The following CORIN variants were observed in gnomAD, a reference collection of about 807,000 sequenced individuals.
The protein encoded by CORIN is corin, serine peptidase.
A neutral mutation model predicts 125.3 loss-of-function variants in CORIN; 117 were observed. The ratio of observed to expected loss-of-function variants is 0.93; its 90% CI spans 0.80 to 1.09. The LOEUF (loss-of-function observed/expected upper bound fraction) is 1.09, where lower values mean the gene tolerates loss of function less well. Ranked by LOEUF, CORIN falls within the 50% of genes least tolerant of loss-of-function variation. The pLI is 0.00. For synonymous variants in CORIN, 450 were observed against 466.4 expected (o/e 0.96, Z 0.45); for missense variants, 1,253 against 1,306.7 (o/e 0.96, Z 0.63).
chr4:47,678,396 G>A (rs79204823), intron 8 of CORIN, among the ~76,000 whole-genome samples: 4,375 of 152,246 alleles, frequency 0.029, 230 homozygotes, highest in African/African-American at 0.099. Flanking sequence ...TATAAATCTT[G>A]TAAAGTAGAT....
At chr4:47,606,171 T>C (rs1332525205) in intron 19 of CORIN, among the ~76,000 whole-genome samples, 1 of 152,182 alleles carries the variant, frequency 6.6e-6, no homozygotes, top group African/African-American at 2.4e-5. Context: ...TGAGTGAAGG[T>C]AGACAATTAA....
intron 4 of CORIN, among the ~76,000 whole-genome samples, chr4:47,757,905 T>TATATATATATATATAC (rs1471519610): frequency 2.8e-5 from 4 of 141,682 alleles, no homozygotes; most frequent in Admixed American, 7.0e-5. Flanking sequence ...TATATATATA[T>TATATATATATATATAC]ACACAAATAT....
intron 1 of CORIN, among the ~76,000 whole-genome samples, chr4:47,833,943 T>C (rs564352854): frequency 6.6e-6 from 1 of 152,324 alleles, no homozygotes; most frequent in East Asian, 1.9e-4. Context: ...TTGTATATGG[T>C]TCATGGGAAT....
intron 4 of CORIN, among the ~76,000 whole-genome samples, chr4:47,748,805 T>C (rs1728774212): frequency 6.6e-6 from 1 of 152,192 alleles, no homozygotes; most frequent in South Asian, 2.1e-4. Flanking sequence ...TAAATCATTT[T>C]TCTCTTAACT....
At chr4:47,749,939 T>C (rs944198122) in intron 4 of CORIN, among the ~76,000 whole-genome samples, 1 of 152,152 alleles carries the variant, frequency 6.6e-6, no homozygotes, top group Non-Finnish European at 1.5e-5. Flanking sequence ...TTTTCTCCTT[T>C]TGCATTATGA....
intron 2 of CORIN, among the ~76,000 whole-genome samples, chr4:47,803,111 A>T (rs1731616265): frequency 1.3e-5 from 2 of 152,202 alleles, no homozygotes; most frequent in African/African-American, 2.4e-5. Context: ...CCCAAGAAAA[A>T]TGGACACAAA....
At chr4:47,734,811 C>T (rs1320744375) in intron 5 of CORIN, among the ~76,000 whole-genome samples, 1 of 152,198 alleles carries the variant, frequency 6.6e-6, no homozygotes, top group Non-Finnish European at 1.5e-5. Flanking sequence ...CTTGCCTCTA[C>T]CTACTAGGTG....
chr4:47,776,201 G>A (rs1246532482), intron 3 of CORIN, among the ~76,000 whole-genome samples: 1 of 151,928 alleles, frequency 6.6e-6, no homozygotes, highest in Non-Finnish European at 1.5e-5. Flanking sequence ...ATTTTTTGTA[G>A]AGATAGTTTT....
At chr4:47,708,486 T>C (rs934304554) in intron 5 of CORIN, among the ~76,000 whole-genome samples, 6 of 152,126 alleles carry the variant, frequency 3.9e-5, no homozygotes, top group African/African-American at 1.2e-4. Flanking sequence ...AGCACCCTTA[T>C]TTCCATCTTC....
At position 47,730,154 on chromosome 4, in the gene CORIN, A is replaced by G. The variant is rs1364065916; in HGVS notation, c.799+14248T>C. Among the ~76,000 whole-genome samples, 3 of 152,098 alleles carry G rather than the reference A, an allele frequency of 2.0e-5. 1 individual carries two copies. The South Asian group carries it at 6.2e-4, about 32-fold the overall frequency. On this transcript the variant is annotated intron_variant, in intron 5 of 21. Coordinates refer to ENST00000273857, the MANE Select transcript of CORIN (RefSeq NM_006587.4). The stretch of plus-strand genomic sequence containing the variant: ...GAGGGTCCATTGAGTTGATTAACAC[A>G]CAAGCTGTCTGCAGAAGGCAAATTT...
chr4:47,763,005 T>A (rs1302388881), intron 4 of CORIN, among the ~76,000 whole-genome samples: 1 of 152,158 alleles, frequency 6.6e-6, no homozygotes, highest in Non-Finnish European at 1.5e-5. Flanking sequence ...TATCCCCGTA[T>A]CATGAGACCC....
At chr4:47,825,272 T>C (rs1298300829) in intron 1 of CORIN, among the ~76,000 whole-genome samples, 1 of 152,146 alleles carries the variant, frequency 6.6e-6, no homozygotes, top group Non-Finnish European at 1.5e-5. Flanking sequence ...TTCCTGGCAA[T>C]TATGTGGCCC....
In CORIN at chr4:47,811,455, TCAACA is replaced by T. The variant is rs909203054; in HGVS notation, c.64-4413_64-4409del. Among the ~76,000 whole-genome samples, 71 of 152,334 alleles carry T rather than the reference TCAACA, an allele frequency of 4.7e-4. 1 individual carries two copies. The East Asian group carries it at 0.013, about 27-fold the overall frequency. On this transcript the variant is annotated intron_variant, in intron 1 of 21. Coordinates refer to ENST00000273857, the MANE Select transcript of CORIN (RefSeq NM_006587.4). ...TACCTTCAGGCAGCATTTGACTTTG[TCAACA>T]CATGGTGCATTCCTGAGGGCACATC...
rs576043757 is a variant in CORIN at position 47,643,166 on chromosome 4, C to G, written c.2048G>C (p.Ser683Thr). ...CTCACCACAGTCCCATTCATCTGAA[C>G]TGTCTGAGCAGTCGGCTTCACCATC... is the stretch of plus-strand genomic sequence containing the variant. ...WCDGEADCSD[S>T]SDEWDCVTLS... is the part of the protein sequence containing the mutation. Residue 683 changes from serine (S) to threonine (T), a missense_variant, in exon 15 of 22, where the codon AGT becomes ACT. By Grantham distance (58) the Ser-to-Thr change is moderately conservative. Transcript: ENST00000273857. 5 of 1,614,006 alleles carry G rather than the reference C, an allele frequency of 3.1e-6. No homozygotes were observed. Among genetic ancestry groups the G allele is most frequent in the Non-Finnish European group, 3.4e-6 (4 of 1,179,980 alleles).
At chr4:47,745,209 T>C (rs1728606936) in intron 4 of CORIN, among the ~76,000 whole-genome samples, 1 of 152,198 alleles carries the variant, frequency 6.6e-6, no homozygotes, top group Non-Finnish European at 1.5e-5. Flanking sequence ...CCAGAGCTTA[T>C]CTTTATTCAC....
chr4:47,804,435 G>A (rs748038312), intron 2 of CORIN, among the ~76,000 whole-genome samples: 39 of 152,026 alleles, frequency 2.6e-4, no homozygotes, highest in East Asian at 3.9e-4. Flanking sequence ...GATCACACTC[G>A]TCAATATTTG....
chr4:47,795,105 T>C (rs1731238134), intron 2 of CORIN, among the ~76,000 whole-genome samples: 1 of 152,162 alleles, frequency 6.6e-6, no homozygotes, highest in Non-Finnish European at 1.5e-5. Context: ...ACCATATACA[T>C]GTGGATTTAT....
At chr4:47,633,152 A>C (rs1722907328) in intron 16 of CORIN, among the ~76,000 whole-genome samples, 2 of 152,134 alleles carry the variant, frequency 1.3e-5, no homozygotes, top group Admixed American at 6.6e-5. Flanking sequence ...TTAGGCAAGG[A>C]TCTATAGGTA....
intron 4 of CORIN, among the ~76,000 whole-genome samples, chr4:47,746,470 A>G (rs1283334261): frequency 6.6e-6 from 1 of 152,160 alleles, no homozygotes; most frequent in Non-Finnish European, 1.5e-5. Context: ...CCCAGGACCT[A>G]TTCTATTTAC....
Sources: gnomAD v4.1 joint callset for allele counts (sites outside exome capture counted in the v4.1 genomes callset) on GRCh38, gnomAD v4.1.1 for gene constraint, MANE v1.5 for transcripts, NCBI Gene and HGNC (gene_info 2026-07-23, HGNC 2026-07-21) for gene names.